The following SGCZ variants were observed in gnomAD, a reference collection of about 807,000 sequenced individuals.
The protein encoded by SGCZ is zeta-sarcoglycan.
SGCZ carries 40 observed loss-of-function variants against 41.3 expected under a neutral mutation model. The ratio of observed to expected loss-of-function variants is 0.97; its 90% CI spans 0.75 to 1.26. The LOEUF (loss-of-function observed/expected upper bound fraction) is 1.26, where lower values mean the gene tolerates loss of function less well. SGCZ is among the 50% of genes most tolerant of loss of function. SGCZ has a pLI of 0.00. For synonymous variants in SGCZ, 206 were observed against 137.5 expected (o/e 1.50, Z -3.49); for missense variants, 552 against 369.8 (o/e 1.49, Z -4.04).
chr8:14,469,110 C>G (rs1331120287), intron 2 of SGCZ, among the ~76,000 whole-genome samples: 1 of 152,096 alleles, frequency 6.6e-6, no homozygotes, highest in Non-Finnish European at 1.5e-5. Flanking sequence ...ACCACCACCA[C>G]TTTTCCTACC....
intron 1 of SGCZ, among the ~76,000 whole-genome samples, chr8:15,015,195 A>T (rs887589626): frequency 6.6e-6 from 1 of 152,060 alleles, no homozygotes; most frequent in African/African-American, 2.4e-5. Flanking sequence ...GTGAGCCAAG[A>T]TCACGCCACT....
chr8:14,957,892 C>T (rs1443277175), intron 1 of SGCZ, among the ~76,000 whole-genome samples: 2 of 151,894 alleles, frequency 1.3e-5, no homozygotes, highest in Admixed American at 1.3e-4. Flanking sequence ...CATTCATTTA[C>T]TAAGAGAATG....
At chr8:14,241,229 T>G (rs1241071694) in intron 3 of SGCZ, among the ~76,000 whole-genome samples, 1 of 151,884 alleles carries the variant, frequency 6.6e-6, no homozygotes, top group Non-Finnish European at 1.5e-5. Flanking sequence ...AGCGAATATG[T>G]GGTTTAAGAT....
intron 1 of SGCZ, among the ~76,000 whole-genome samples, chr8:14,739,900 C>T (rs1272069704): frequency 6.6e-6 from 1 of 151,936 alleles, no homozygotes; most frequent in Non-Finnish European, 1.5e-5. Context: ...AAAACCTTTC[C>T]GTACCACCCA....
intron 5 of SGCZ, among the ~76,000 whole-genome samples, chr8:14,138,426 G>A (rs190565744): frequency 2.6e-5 from 4 of 151,362 alleles, no homozygotes; most frequent in Non-Finnish European, 5.9e-5. Context: ...TCAGTGTGCT[G>A]TATTCAGGAG....
At chr8:14,295,904 G>T (rs1032325702) in intron 3 of SGCZ, among the ~76,000 whole-genome samples, 1 of 152,070 alleles carries the variant, frequency 6.6e-6, no homozygotes, top group African/African-American at 2.4e-5. Flanking sequence ...CCCCTATTAG[G>T]TCTGTAGCCA....
At chr8:14,560,192 A>T (rs773418403) in intron 1 of SGCZ, among the ~76,000 whole-genome samples, 1 of 152,098 alleles carries the variant, frequency 6.6e-6, no homozygotes, top group Non-Finnish European at 1.5e-5. Context: ...ATTTCAAAAG[A>T]GCTAGGAGAG....
chr8:14,311,608 G>A (rs1472208909), intron 3 of SGCZ, among the ~76,000 whole-genome samples: 1 of 152,080 alleles, frequency 6.6e-6, no homozygotes, highest in Non-Finnish European at 1.5e-5. Flanking sequence ...ATTTACCCTT[G>A]TTTATATTGG....
chr8:14,090,742 C>A, intron 7 of SGCZ, 105 bp from the exon 8 acceptor site: 1 of 987,134 alleles, frequency 1.0e-6, no homozygotes, highest in African/African-American at 1.6e-5. Flanking sequence ...ACACAACAAA[C>A]AATTCCATGG....
intron 1 of SGCZ, among the ~76,000 whole-genome samples, chr8:14,582,442 T>A (rs1804922035): frequency 6.6e-6 from 1 of 152,084 alleles, no homozygotes; most frequent in Non-Finnish European, 1.5e-5. Flanking sequence ...TAATACGTAA[T>A]CATGTATTTT....
chr8:14,998,247 G>A (rs1368968247), intron 1 of SGCZ, among the ~76,000 whole-genome samples: 1 of 152,154 alleles, frequency 6.6e-6, no homozygotes, highest in Non-Finnish European at 1.5e-5. Context: ...CAAAGATAAT[G>A]AATAAACCGT....
intron 1 of SGCZ, among the ~76,000 whole-genome samples, chr8:15,128,610 C>T (rs558435052): frequency 1.3e-5 from 2 of 152,242 alleles, no homozygotes; most frequent in East Asian, 1.9e-4. Context: ...TCAGAAGCGC[C>T]CTGTGATCCT....
intron 1 of SGCZ, among the ~76,000 whole-genome samples, chr8:14,896,789 CT>C (rs1229381185): frequency 1.3e-5 from 2 of 150,202 alleles, no homozygotes; most frequent in Non-Finnish European, 3.0e-5. Flanking sequence ...CTTTTTTTTT[CT>C]TTTTTTGACA....
intron 1 of SGCZ, among the ~76,000 whole-genome samples, chr8:15,004,834 A>T (rs549222311): frequency 6.6e-6 from 1 of 152,236 alleles, no homozygotes; most frequent in South Asian, 2.1e-4. Context: ...CTAGGTGACA[A>T]TGAGGGTTCC....
At chr8:15,065,729 A>G (rs537419304) in intron 1 of SGCZ, among the ~76,000 whole-genome samples, 8 of 152,162 alleles carry the variant, frequency 5.3e-5, no homozygotes, top group African/African-American at 1.7e-4. Flanking sequence ...ATACACACTC[A>G]GATGGTATTG....
intron 1 of SGCZ, among the ~76,000 whole-genome samples, chr8:14,712,355 T>C (rs1809548092): frequency 6.6e-6 from 1 of 152,198 alleles, no homozygotes; most frequent in African/African-American, 2.4e-5. Flanking sequence ...TTAAAGACTG[T>C]ATTCTTTCAC....
chr8:14,282,545 T>G (rs1800482374), intron 3 of SGCZ, among the ~76,000 whole-genome samples: 1 of 152,114 alleles, frequency 6.6e-6, no homozygotes, highest in Non-Finnish European at 1.5e-5. Flanking sequence ...AGTGTCTCAT[T>G]TATTTTACCT....
At chr8:15,176,988 G>T (rs548143115) in intron 1 of SGCZ, among the ~76,000 whole-genome samples, 5 of 152,076 alleles carry the variant, frequency 3.3e-5, no homozygotes, top group Non-Finnish European at 7.3e-5. Context: ...GCAACAGAGC[G>T]AGACTTTGTT....
intron 1 of SGCZ, among the ~76,000 whole-genome samples, chr8:14,955,992 A>G (rs898003673): frequency 6.6e-6 from 1 of 151,098 alleles, no homozygotes; most frequent in African/African-American, 2.4e-5. Context: ...TTTTAATGCA[A>G]TCGAAATTTA....
Sources: allele counts gnomAD v4.1 joint callset (sites outside exome capture counted in the v4.1 genomes callset), GRCh38; gene constraint gnomAD v4.1.1; transcripts MANE v1.5; gene names NCBI Gene and HGNC (gene_info 2026-07-23, HGNC 2026-07-21).